Variants in MTSS1 observed in about 807,000 individuals in gnomAD.
MTSS1 encodes the protein MTSS I-BAR domain containing 1, also known as protein MTSS 1.
In MTSS1, 18 loss-of-function variants were observed where a neutral mutation model predicts 79.0. The observed-to-expected ratio is 0.23, with a 90% CI of 0.16 to 0.34. The LOEUF is 0.34. Ranked by LOEUF, MTSS1 falls within the 10% of genes least tolerant of loss-of-function variation. The pLI is 1.00. For missense variants in MTSS1, 815 were observed against 986.2 expected, an observed-to-expected ratio of 0.83 and a Z score of 2.33; for synonymous variants, 341 against 368.6, an observed-to-expected ratio of 0.93 and a Z score of 0.86.
At chr8:124,581,393 T>A (rs1830021783) in intron 6 of MTSS1, among the ~76,000 whole-genome samples, 1 of 152,138 alleles carries the variant, frequency 6.6e-6, no homozygotes, top group Admixed American at 6.5e-5. Flanking sequence ...GCCATTATTA[T>A]TTTTAAAAAT....
Position 124,557,887 on chromosome 8 carries a change from CA to C in MTSS1, c.1036-13del. Reference sequence around the variant, plus strand: ...AACCCGTTAGACAACTGGAAACAAACAAAAAAAGGGGGGGGGAAGGAAAAAA... The same window carrying C: ...AACCCGTTAGACAACTGGAAACAAACAAAAAAGGGGGGGGGAAGGAAAAAA... On this transcript the variant is annotated splice_polypyrimidine_tract_variant and intron_variant, in intron 10 of 13. Coordinates refer to ENST00000518547, the MANE Select transcript of MTSS1 (RefSeq NM_014751.6). 9 of 1,391,606 alleles carry C rather than the reference CA, an allele frequency of 6.5e-6. No individual in the cohort carries two copies. The highest frequency in any genetic ancestry group is 2.4e-5 in the Admixed American group (1 of 40,934). 86.2% of individuals were successfully genotyped at this position (1,391,606 alleles called of 1,614,324 possible). A position where few individuals can be genotyped will look rare whatever the true frequency, so the allele number is the denominator to read the frequency against.
chr8:124,556,261 G>C lies in MTSS1; in HGVS notation c.1375C>G (p.Arg459Gly). 6.2e-7 allele frequency: 1 copy of C among 1,614,192 alleles called. No individual in the cohort carries two copies. Among genetic ancestry groups the C allele is most frequent in the Non-Finnish European group, 8.5e-7 (1 of 1,180,032 alleles). The change falls in exon 12 of 14, where the codon CGG becomes GGG. Residue 459 changes from arginine to glycine, a missense_variant. By Grantham distance (125) the Arg-to-Gly change is moderately radical. Around this residue, in one of 2 missense-constraint regions of MTSS1, gnomAD observed 590 missense variants for 620.8 expected, o/e 0.95. Transcript: ENST00000518547. ...PAAAEEAQRPRSMTVSAATRP... is the reference protein window; with the variant it reads ...PAAAEEAQRPGSMTVSAATRP... ...GTGGCAGCCGATACAGTCATGCTCC[G>C]TGGTCTCTGAGCCTCCTCAGCTGCT...
At chr8:124,617,724 C>A (rs921205597) in intron 3 of MTSS1, among the ~76,000 whole-genome samples, 2 of 152,172 alleles carry the variant, frequency 1.3e-5, no homozygotes, top group Admixed American at 1.3e-4. Context: ...ACCTGGAGCT[C>A]AGTGACCTCA....
chr8:124,727,033 C>G lies in MTSS1; in HGVS notation c.72+851G>C, dbSNP rs530449156. Among the ~76,000 whole-genome samples the G allele has an allele frequency of 6.6e-6, 1 of 152,172 alleles. No individual in the cohort carries two copies. Among genetic ancestry groups the G allele is most frequent in the Non-Finnish European group, 1.5e-5 (1 of 68,024 alleles). On this transcript the variant is annotated intron_variant, in intron 1 of 13. Coordinates refer to ENST00000518547, the MANE Select transcript of MTSS1 (RefSeq NM_014751.6). This position sits in a 1 kb window ranked among gnomAD's most constrained non-coding sequence, Gnocchi z 4.7. ...AATCCACATCCGAGGATCAGGTTAT[C>G]CCCAGTCCCACCCTTTGCAGGAAAA...
intron 3 of MTSS1, among the ~76,000 whole-genome samples, chr8:124,635,166 C>A (rs1462252870): frequency 6.6e-6 from 1 of 152,210 alleles, no homozygotes; most frequent in Non-Finnish European, 1.5e-5. Flanking sequence ...CTAGCTCTTT[C>A]TTCCTATAAG....
At position 124,683,554 on chromosome 8, in the gene MTSS1, C is replaced by A. The variant is rs1430174087; in HGVS notation, c.208+15972G>T. 6.6e-6 allele frequency among the ~76,000 whole-genome samples: 1 copy of A among 152,134 alleles called. No homozygotes were observed. The highest frequency in any genetic ancestry group is 2.4e-5 in the African/African-American group (1 of 41,408). Reference sequence around the variant, plus strand: ...AGACTAGAAAACCTCAACTGGAGGCCAGAGGTGGGACACGCCCTAGGAAGC... The same window carrying A: ...AGACTAGAAAACCTCAACTGGAGGCAAGAGGTGGGACACGCCCTAGGAAGC... On this transcript the variant is annotated intron_variant, in intron 3 of 13. Coordinates refer to ENST00000518547, the MANE Select transcript of MTSS1 (RefSeq NM_014751.6). This position sits in a 1 kb window ranked among gnomAD's most constrained non-coding sequence, Gnocchi z 4.5.
At chr8:124,682,812 T>C (rs544912165) in intron 3 of MTSS1, among the ~76,000 whole-genome samples, 2 of 152,312 alleles carry the variant, frequency 1.3e-5, no homozygotes, top group South Asian at 2.1e-4. Flanking sequence ...TGCCTACATA[T>C]GACAATGATG....
At chr8:124,674,576 C>T (rs1824927399) in intron 3 of MTSS1, among the ~76,000 whole-genome samples, 1 of 151,834 alleles carries the variant, frequency 6.6e-6, no homozygotes, top group African/African-American at 2.4e-5. Context: ...AACTCCTGGC[C>T]GCAGGGATCC....
At chr8:124,650,914 C>T (rs776970226) in intron 3 of MTSS1, among the ~76,000 whole-genome samples, 1 of 152,200 alleles carries the variant, frequency 6.6e-6, no homozygotes, top group Non-Finnish European at 1.5e-5. Context: ...ACCTTGAGGA[C>T]ATCAGTTTAC....
intron 3 of MTSS1, among the ~76,000 whole-genome samples, chr8:124,681,297 C>G (rs1396452856): frequency 6.6e-6 from 1 of 152,030 alleles, no homozygotes; most frequent in African/African-American, 2.4e-5. Context: ...CCTCAGGACT[C>G]CTACATGTGT....
At position 124,727,786 on chromosome 8, in the gene MTSS1, A is replaced by C. The variant is rs185512527; in HGVS notation, c.72+98T>G. The C allele has an allele frequency of 3.7e-6, 4 of 1,091,326 alleles. No homozygotes were observed. Among genetic ancestry groups the C allele is most frequent in the East Asian group, 6.1e-5 (2 of 32,628 alleles). 67.6% of individuals were successfully genotyped at this position (1,091,326 alleles called of 1,614,324 possible). Reference sequence around the variant, plus strand: ...CGCAGGTGGCCGGTGGCCACACTGCAGGGAAGGGCCGGGTGCCCGGCCCGG... The same window carrying C: ...CGCAGGTGGCCGGTGGCCACACTGCCGGGAAGGGCCGGGTGCCCGGCCCGG... On this transcript the variant is annotated intron_variant, in intron 1 of 13. Transcript: ENST00000518547. The surrounding 1 kb of genome is among the most constrained non-coding windows in gnomAD (Gnocchi z 4.7).
chr8:124,637,367 C>T (rs925282701), intron 3 of MTSS1, among the ~76,000 whole-genome samples: 1 of 152,170 alleles, frequency 6.6e-6, no homozygotes, highest in Non-Finnish European at 1.5e-5. Context: ...TAAAGTGATG[C>T]ACACTCATGG....
At chr8:124,585,508 G>A (rs1012082819) in intron 5 of MTSS1, among the ~76,000 whole-genome samples, 16 of 151,792 alleles carry the variant, frequency 1.1e-4, no homozygotes, top group African/African-American at 3.4e-4. Context: ...TCCACCTCCC[G>A]AGTTCAAGCG....
In MTSS1 at chr8:124,567,749, C is replaced by T. The variant is rs6470252; in HGVS notation, c.619-571G>A. 0.68 allele frequency: 1,029,993 copies of T among 1,521,842 alleles called. 350,267 individuals carry two copies. The highest frequency in any genetic ancestry group is 0.69 in the Non-Finnish European group (786,005 of 1,139,222). The allele number at this position is 1,521,842 out of a possible 1,614,324, so 94.3% of individuals were successfully genotyped here. ...GTTGGGACCACGGGCCGGGCTAGAA[C>T]GATCCATGGAAAAGTTCTGTGCTCA... On this transcript the variant is annotated intron_variant, in intron 7 of 13. Transcript: ENST00000518547.
At chr8:124,631,769 T>C (rs1816000362) in intron 3 of MTSS1, among the ~76,000 whole-genome samples, 1 of 152,346 alleles carries the variant, frequency 6.6e-6, no homozygotes, top group African/African-American at 2.4e-5. Context: ...TCTGATCCCA[T>C]TGTGCCTTGG....
At chr8:124,602,729 G>A (rs1308567793) in intron 3 of MTSS1, among the ~76,000 whole-genome samples, 1 of 152,148 alleles carries the variant, frequency 6.6e-6, no homozygotes, top group African/African-American at 2.4e-5. Flanking sequence ...TCAGCCTGGG[G>A]GTCTATAAGG....
chr8:124,692,540 G>A (rs1828116175), intron 3 of MTSS1, among the ~76,000 whole-genome samples: 2 of 152,166 alleles, frequency 1.3e-5, no homozygotes, highest in African/African-American at 4.8e-5. Flanking sequence ...CAGTCTGGCT[G>A]GAGCCAGGAA....
intron 3 of MTSS1, among the ~76,000 whole-genome samples, chr8:124,598,274 G>A (rs892302794): frequency 3.3e-5 from 5 of 152,156 alleles, no homozygotes; most frequent in Middle Eastern, 6.8e-3. Flanking sequence ...CAGCCTGAGT[G>A]ACTGAGACCC....
At position 124,614,668 on chromosome 8, in the gene MTSS1, C is replaced by T. The variant is rs537882700; in HGVS notation, c.209-23433G>A. Among the ~76,000 whole-genome samples, 18 of 152,316 alleles carry T rather than the reference C, an allele frequency of 1.2e-4. No individual in the cohort carries two copies. In the East Asian group the frequency reaches 1.9e-3, roughly 16 times the overall value. ...CTGCAAACTTAATCCATTATATACC[C>T]GCATCAGATGCTACTGAACCTGACC... On this transcript the variant is annotated intron_variant, in intron 3 of 13. Transcript: ENST00000518547.
Sources: allele counts gnomAD v4.1 joint callset (sites outside exome capture counted in the v4.1 genomes callset), GRCh38; gene constraint gnomAD v4.1.1; regional missense constraint gnomAD v4.1.1; non-coding constraint Gnocchi (gnomAD v3.1); transcripts MANE v1.5; gene names NCBI Gene and HGNC (gene_info 2026-07-23, HGNC 2026-07-21).